DMXL2: variants seen among roughly 807,000 people sequenced by gnomAD.
The protein encoded by DMXL2 is dmX-like protein 2.
A neutral mutation model predicts 331.1 loss-of-function variants in DMXL2; 103 were observed. That is an observed-to-expected ratio of 0.31 (90% CI 0.27 to 0.37). DMXL2 has a LOEUF of 0.37. DMXL2 is among the 10% of genes least tolerant of loss of function. DMXL2 has a pLI of 1.00. For missense variants in DMXL2, 3,171 were observed against 3,642.9 expected (o/e 0.87, Z 3.33); for synonymous variants, 1,281 against 1,252.1 (o/e 1.02, Z -0.49).
chr15:51,622,383 G>A (rs1050667376), intron 1 of DMXL2, 76 bp downstream of exon 1: 13 of 1,537,022 alleles, frequency 8.5e-6, no homozygotes, highest in South Asian at 1.2e-5. Context: ...GAGGAGGCGT[G>A]CGCCCTGGAC....
chr15:51,589,605 G>A (rs1007194890), intron 1 of DMXL2, among the ~76,000 whole-genome samples: 2 of 152,172 alleles, frequency 1.3e-5, no homozygotes, highest in Admixed American at 1.3e-4. Flanking sequence ...GATGCATACA[G>A]TGATAGCAGT....
At chr15:51,512,721 C>G (rs2046828930) in intron 15 of DMXL2, among the ~76,000 whole-genome samples, 2 of 151,026 alleles carry the variant, frequency 1.3e-5, no homozygotes, top group African/African-American at 4.9e-5. Context: ...GAGGCTGAGG[C>G]AGGAGAATTG....
chr15:51,565,383 C>T (rs568841845), intron 3 of DMXL2, among the ~76,000 whole-genome samples: 5 of 152,232 alleles, frequency 3.3e-5, no homozygotes, highest in Admixed American at 2.6e-4. Flanking sequence ...CCTTGCCATG[C>T]CCAAACAAAG....
rs536994435 is a variant in DMXL2, at chr15:51,618,052, C to A, written c.87+4407G>T. Among the ~76,000 whole-genome samples the A allele has an allele frequency of 3.9e-5, 6 of 152,316 alleles. No homozygotes were observed. The South Asian group carries it at 1.2e-3, about 32-fold the overall frequency. On this transcript the variant is annotated intron_variant, in intron 1 of 43. Transcript: ENST00000560891. ...TTAGAAAACAAGTCCATTCTAAATT[C>A]TTGACTTCTGTCTTTCACTTTCCTC...
rs1175650361 is a variant in DMXL2 at position 51,458,618 on chromosome 15, T to A, written c.8086A>T (p.Asn2696Tyr). 6.2e-7 allele frequency: 1 copy of A among 1,613,876 alleles called. No individual in the cohort carries two copies. The highest frequency in any genetic ancestry group is 1.3e-5 in the African/African-American group (1 of 74,950). The change falls in exon 36 of 44, where the codon AAT becomes TAT. Residue 2696 changes from asparagine to tyrosine, a missense_variant. By Grantham distance (143) the Asn-to-Tyr change is moderately radical. This residue lies in a region of DMXL2 where 766 missense variants were observed against 940.5 expected (regional missense o/e 0.81). Coordinates refer to ENST00000560891, the MANE Select transcript of DMXL2 (RefSeq NM_001378457.1). The part of the protein sequence containing the change: ...MAFSVNKANC[N>Y]EIVLASTHDV... ...TGTGTTGAAGCCAAAACAATTTCAT[T>A]ACAATTTGCCTATAAAGCAAAGGCA... is the stretch of plus-strand genomic sequence containing the variant.
At chr15:51,582,162 C>G (rs992664196) in intron 1 of DMXL2, among the ~76,000 whole-genome samples, 6 of 152,062 alleles carry the variant, frequency 3.9e-5, no homozygotes, top group Non-Finnish European at 7.4e-5. Context: ...TTCTATATTC[C>G]TAATCTTTCT....
At chr15:51,454,569 T>C (rs1474709356) in intron 40 of DMXL2, among the ~76,000 whole-genome samples, 1 of 152,150 alleles carries the variant, frequency 6.6e-6, no homozygotes, top group Non-Finnish European at 1.5e-5. Context: ...CAATCTCAGC[T>C]CACTGCAACC....
chr15:51,483,136 G>A (rs1248288214), intron 23 of DMXL2, among the ~76,000 whole-genome samples: 1 of 152,176 alleles, frequency 6.6e-6, no homozygotes, highest in Admixed American at 6.5e-5. Flanking sequence ...GAATCCCATA[G>A]TACTTGCAAG....
intron 6 of DMXL2, among the ~76,000 whole-genome samples, chr15:51,563,026 G>A (rs980443374): frequency 2.0e-5 from 3 of 152,148 alleles, no homozygotes; most frequent in Non-Finnish European, 4.4e-5. Context: ...CTGGACACAG[G>A]AATTAGCGTT....
intron 20 of DMXL2, among the ~76,000 whole-genome samples, chr15:51,489,567 A>G (rs1415538700): frequency 6.6e-6 from 1 of 152,040 alleles, no homozygotes; most frequent in African/African-American, 2.4e-5. Context: ...GGTTGGGAGA[A>G]TTGCTTCAAC....
intron 13 of DMXL2, among the ~76,000 whole-genome samples, chr15:51,524,110 A>C (rs538383171): frequency 6.6e-6 from 1 of 152,350 alleles, no homozygotes; most frequent in East Asian, 1.9e-4. Context: ...CAACAAACTA[A>C]AAAGGACTGA....
chr15:51,613,640 C>T (rs1423678427), intron 1 of DMXL2, among the ~76,000 whole-genome samples: 1 of 152,152 alleles, frequency 6.6e-6, no homozygotes, highest in African/African-American at 2.4e-5. Context: ...TTTTACAATG[C>T]AGATATTATA....
At position 51,491,764 on chromosome 15, in the gene DMXL2, AAAT is replaced by A. The variant is rs2042816672; in HGVS notation, c.4784-20_4784-18del. 1 of 1,585,972 alleles carries A rather than the reference AAAT, an allele frequency of 6.3e-7. No individual in the cohort carries two copies. The highest frequency in any genetic ancestry group is 1.9e-5 in the Admixed American group (1 of 51,396). ...TAGAGACACCTAAATTGGAAATATAAAATAATAATCTGCGTAACTGTATCAAAT... is the reference window on the plus strand; with the variant it reads ...TAGAGACACCTAAATTGGAAATATAAAATAATCTGCGTAACTGTATCAAAT... On this transcript the variant is annotated intron_variant, in intron 19 of 43. Transcript: ENST00000560891.
At chr15:51,535,848 G>C in intron 12 of DMXL2, 64 bp from the exon 13 acceptor site, 3 of 1,509,878 alleles carry the variant, frequency 2.0e-6, no homozygotes, top group Admixed American at 2.4e-5. Flanking sequence ...ATTGGCTAAA[G>C]GATAAGAAAC....
intron 17 of DMXL2, 150 bp downstream of exon 17, chr15:51,502,656 C>T: frequency 3.3e-6 from 2 of 614,946 alleles, no homozygotes; most frequent in Non-Finnish European, 5.6e-6. Context: ...ATGTTTCTAA[C>T]CATCTAGACA....
intron 6 of DMXL2, among the ~76,000 whole-genome samples, chr15:51,555,523 G>A (rs536289340): frequency 5.3e-5 from 8 of 152,284 alleles, no homozygotes; most frequent in Non-Finnish European, 1.0e-4. Flanking sequence ...AAAGATAACA[G>A]TAACAACTAA....
chr15:51,557,243 A>G (rs2049657042), intron 6 of DMXL2, among the ~76,000 whole-genome samples: 1 of 152,206 alleles, frequency 6.6e-6, no homozygotes, highest in Non-Finnish European at 1.5e-5. Flanking sequence ...ATATACCAGT[A>G]ACAATTATTT....
Position 51,466,164 on chromosome 15 carries a change from G to T in DMXL2, c.7520+20C>A. The T allele has an allele frequency of 6.5e-7, 1 of 1,529,776 alleles. No individual in the cohort carries two copies. The highest frequency in any genetic ancestry group is 8.7e-7 in the Non-Finnish European group (1 of 1,146,338). 94.8% of individuals were successfully genotyped at this position (1,529,776 alleles called of 1,614,324 possible). On this transcript the variant is annotated intron_variant, in intron 30 of 43. Transcript: ENST00000560891. ...AAGAAAAGCCAAAAAAAAAATGAGA[G>T]AAAGAAAAGTCTTATTTACCTATAG...
intron 29 of DMXL2, among the ~76,000 whole-genome samples, chr15:51,469,353 T>C (rs1382919857): frequency 2.0e-5 from 3 of 152,198 alleles, no homozygotes; most frequent in Non-Finnish European, 1.5e-5. Flanking sequence ...AAAAGATTCA[T>C]ATGCTATTAT....
Sources: allele counts gnomAD v4.1 joint callset (sites outside exome capture counted in the v4.1 genomes callset), GRCh38; gene constraint gnomAD v4.1.1; regional missense constraint gnomAD v4.1.1; transcripts MANE v1.5; gene names NCBI Gene and HGNC (gene_info 2026-07-23, HGNC 2026-07-21).